The following CAPN2 variants were observed in gnomAD, a reference collection of about 807,000 sequenced individuals.
CAPN2 encodes the protein calpain 2, also known as calpain-2 catalytic subunit.
Under a neutral mutation model 102.3 loss-of-function variants are expected in CAPN2, and 92 were observed. That is an observed-to-expected ratio of 0.90 (90% CI 0.76 to 1.07). The LOEUF is 1.07. Among genes scored for constraint, CAPN2 ranks in the 50% least tolerant of loss-of-function variants. The probability of loss-of-function intolerance (pLI) is 0.00; values close to 1 mark genes in which losing one functional copy is unlikely to be tolerated. For missense variants in CAPN2, 800 were observed against 909.4 expected (o/e 0.88, Z 1.55); for synonymous variants, 340 against 355.4 (o/e 0.96, Z 0.49).
At chr1:223,741,468 A>ATATATATATATT (rs71166282) in intron 2 of CAPN2, among the ~76,000 whole-genome samples, 23 of 138,352 alleles carry the variant, frequency 1.7e-4, no homozygotes, top group South Asian at 1.6e-3. Context: ...ATATATATAT[A>ATATATATATATT]TTTGAGAGGG....
At chr1:223,717,645 C>T in intron 1 of CAPN2, 117 bp from the exon 2 acceptor site, 1 of 778,568 alleles carries the variant, frequency 1.3e-6, no homozygotes, top group South Asian at 1.5e-5. Context: ...ACACACTTTC[C>T]CCAGAGGGGA....
At chr1:223,730,829 A>G (rs1186217870) in intron 2 of CAPN2, among the ~76,000 whole-genome samples, 2 of 152,136 alleles carry the variant, frequency 1.3e-5, no homozygotes, top group East Asian at 1.9e-4. Context: ...TTTGATTTTT[A>G]GTTTACAGTA....
chr1:223,765,751 A>G (rs1021173004), intron 15 of CAPN2, among the ~76,000 whole-genome samples: 4 of 152,208 alleles, frequency 2.6e-5, no homozygotes, highest in Non-Finnish European at 5.9e-5. Context: ...GAGGCAGGTC[A>G]GGCTCTAACC....
intron 2 of CAPN2, among the ~76,000 whole-genome samples, chr1:223,724,140 C>T (rs1298423096): frequency 6.6e-6 from 1 of 152,200 alleles, no homozygotes; most frequent in Non-Finnish European, 1.5e-5. Context: ...TGTTACCTTC[C>T]TCGACAGCCC....
In CAPN2 at chr1:223,737,715, G is replaced by GC. The variant is rs1558066495; in HGVS notation, c.308-6385_308-6384insC. Among the ~76,000 whole-genome samples the GC allele has an allele frequency of 3.3e-3, 34 of 10,254 alleles. 3 individuals carry two copies. The highest frequency in any genetic ancestry group is 5.9e-3 in the African/African-American group (32 of 5,420). 6.7% of individuals were successfully genotyped at this position (10,254 alleles called of 152,430 possible). Reference sequence around the variant, plus strand: ...GACCAAAAGAGACGGGGCGGGGGGTGGGGGGGAGAGAATACAATAACACCA... The same window carrying GC: ...GACCAAAAGAGACGGGGCGGGGGGTGCGGGGGGAGAGAATACAATAACACCA... On this transcript the variant is annotated intron_variant, in intron 2 of 20. Coordinates refer to ENST00000295006, the MANE Select transcript of CAPN2 (RefSeq NM_001748.5).
intron 3 of CAPN2, among the ~76,000 whole-genome samples, chr1:223,744,494 A>C (rs1048164041): frequency 6.6e-6 from 1 of 152,080 alleles, no homozygotes; most frequent in Admixed American, 6.5e-5. Context: ...AAAAAAAAAA[A>C]CTGTATTATT....
In CAPN2 at chr1:223,706,915, AT is replaced by A. The variant is rs530489867; in HGVS notation, c.3+5086del. Among the ~76,000 whole-genome samples the A allele has an allele frequency of 7.2e-4, 110 of 152,164 alleles. No individual in the cohort carries two copies. In the East Asian group the frequency reaches 0.02, roughly 28 times the overall value. ...GACAACATGGCGAAACCCCGTCTCT[AT>A]TAAAAATACAAAAATTAGCTGGGCA... On this transcript the variant is annotated intron_variant, in intron 1 of 20. Coordinates refer to the CAPN2 transcript ENST00000433674.
rs377293396 is a variant in CAPN2 at position 223,745,252 on chromosome 1, G to C, written c.427-54G>C. The C allele has an allele frequency of 4.5e-5, 72 of 1,611,204 alleles. 1 individual carries two copies. The South Asian group carries it at 5.8e-4, about 13-fold the overall frequency. On this transcript the variant is annotated intron_variant, in intron 3 of 20. Coordinates refer to ENST00000295006, the MANE Select transcript of CAPN2 (RefSeq NM_001748.5). ...GGGAGCCAGAGGCAGCTGAGGCTCA[G>C]AGTCCCAGTGCTGCCACCAGCTCCT... is the stretch of plus-strand genomic sequence containing the variant.
At chr1:223,753,101 T>A (rs1660945940) in intron 9 of CAPN2, 145 bp downstream of exon 9, 6 of 728,322 alleles carry the variant, frequency 8.2e-6, no homozygotes, top group Non-Finnish European at 2.3e-6. Flanking sequence ...GTCTTCTTTC[T>A]CCCTGAGCCT....
At chr1:223,762,477 CTG>C (rs1661214746) in intron 14 of CAPN2, among the ~76,000 whole-genome samples, 1 of 152,178 alleles carries the variant, frequency 6.6e-6, no homozygotes, top group Non-Finnish European at 1.5e-5. Context: ...AGCCCTGACT[CTG>C]TGTTCCTCCT....
At chr1:223,760,890 G>A (rs1320533127) in intron 12 of CAPN2, among the ~76,000 whole-genome samples, 1 of 152,192 alleles carries the variant, frequency 6.6e-6, no homozygotes, top group Non-Finnish European at 1.5e-5. Flanking sequence ...CTGCTGATAG[G>A]ACTCTTGGTC....
intron 4 of CAPN2, among the ~76,000 whole-genome samples, chr1:223,746,565 C>T (rs543163142): frequency 3.4e-5 from 5 of 148,582 alleles, no homozygotes; most frequent in African/African-American, 1.0e-4. Context: ...GCAATTTCCA[C>T]GTTCTGAGTT....
In CAPN2 at chr1:223,745,351, C is replaced by T. The variant is rs780382024; in HGVS notation, c.472C>T (p.Leu158=). The change falls in exon 4 of 21, where the codon CTG becomes TTG. Residue 158 remains leucine, a synonymous_variant. Coordinates refer to ENST00000295006, the MANE Select transcript of CAPN2 (RefSeq NM_001748.5). ...EWVEVVVDDR[L]PTKDGELLFV... ...GGTGGAGGTGGTGGTGGATGACAGG[C>T]TGCCCACCAAGGACGGGGAGCTGCT... The T allele has an allele frequency of 6.2e-7, 1 of 1,614,172 alleles. No individual in the cohort carries two copies. Among genetic ancestry groups the T allele is most frequent in the Admixed American group, 1.7e-5 (1 of 60,028 alleles).
chr1:223,758,880 A>G (rs1453868565), intron 11 of CAPN2: 1 of 265,048 alleles, frequency 3.8e-6, no homozygotes, highest in Non-Finnish European at 7.4e-6. Context: ...TTTTGCAGAG[A>G]CAGGGGTCTC....
chr1:223,734,621 C>T (rs1038313045), intron 2 of CAPN2, among the ~76,000 whole-genome samples: 1 of 152,142 alleles, frequency 6.6e-6, no homozygotes, highest in African/African-American at 2.4e-5. Flanking sequence ...CTCTCCTTGC[C>T]CCTCACCAGC....
chr1:223,744,460 G>T (rs950727641), intron 3 of CAPN2, among the ~76,000 whole-genome samples: 24 of 151,892 alleles, frequency 1.6e-4, no homozygotes, highest in African/African-American at 5.6e-4. Context: ...AGAGCAAGGT[G>T]TTCAGGAACT....
rs200236165 is a variant in CAPN2, at chr1:223,772,228, G to C, written c.2068G>C (p.Asp690His). ...DPENTGTIEL[D>H]LISWLCFSVL is the part of the protein sequence containing the mutation. ...CGAGAATACTGGAACAATAGAGCTC[G>C]ACCTTATCTCTGTGAGTCAGCAGGC... The change falls in exon 20 of 21, where the codon GAC (aspartate) becomes CAC (histidine). Residue 690 changes from aspartate (D) to histidine (H), a missense_variant. Coordinates refer to ENST00000295006, the MANE Select transcript of CAPN2 (RefSeq NM_001748.5). 4 of 1,613,896 alleles carry C rather than the reference G, an allele frequency of 2.5e-6. No individual in the cohort carries two copies. Among genetic ancestry groups the C allele is most frequent in the Admixed American group, 3.3e-5 (2 of 59,994 alleles).
Position 223,751,957 on chromosome 1 carries a change from C to T in CAPN2, c.900-40C>T, listed in dbSNP as rs113734854. On this transcript the variant is annotated intron_variant, in intron 7 of 20. Transcript: ENST00000295006. ...AACTCTGGGGCCTTTGGGGAGAAAT[C>T]ATCGTACACTAACGCCTCTCTCTTT... 1.6e-4 allele frequency: 228 copies of T among 1,385,856 alleles called. 6 individuals carry two copies. In the African/African-American group the frequency reaches 2.6e-3, roughly 16 times the overall value. The allele number at this position is 1,385,856 out of a possible 1,614,324, so 85.8% of individuals were successfully genotyped here.
At chr1:223,729,682 T>C (rs1382522632) in intron 2 of CAPN2, among the ~76,000 whole-genome samples, 1 of 152,104 alleles carries the variant, frequency 6.6e-6, no homozygotes, top group East Asian at 1.9e-4. Context: ...TGGCAGTTAA[T>C]TGAAAGCATT....
Sources: gnomAD v4.1 joint callset for allele counts (sites outside exome capture counted in the v4.1 genomes callset) on GRCh38, gnomAD v4.1.1 for gene constraint, MANE v1.5 for transcripts, NCBI Gene and HGNC (gene_info 2026-07-23, HGNC 2026-07-21) for gene names.